Variants in ATXN1L observed in about 807,000 individuals in gnomAD.
The protein encoded by ATXN1L is ataxin-1-like.
ATXN1L carries 8 observed loss-of-function variants against 43.4 expected under a neutral mutation model. The observed-to-expected ratio is 0.18, with a 90% CI of 0.11 to 0.33. The LOEUF is 0.33. Among genes scored for constraint, ATXN1L ranks in the 10% least tolerant of loss-of-function variants. The pLI, the probability that ATXN1L is intolerant of heterozygous loss-of-function variation, is 1.00. For missense variants in ATXN1L, 856 were observed against 885.4 expected (o/e 0.97, Z 0.42); for synonymous variants, 379 against 360.6 (o/e 1.05, Z -0.58).
Position 71,846,115 on chromosome 16 carries a change from C to A in ATXN1L, c.-180+11C>A. The stretch of plus-strand genomic sequence containing the variant: ...CTGTGAAATGGGCTGGTGAGTGTCC[C>A]TGGAAGTGGTGGCCGCCGGGGCCAG... On this transcript the variant is annotated intron_variant, in intron 1 of 2. Coordinates refer to ENST00000427980, the MANE Select transcript of ATXN1L (RefSeq NM_001137675.4). 1 of 189,266 alleles carries A rather than the reference C, an allele frequency of 5.3e-6. No homozygotes were observed. The highest frequency in any genetic ancestry group is 1.1e-5 in the Non-Finnish European group (1 of 88,018). The allele number at this position is 189,266 out of a possible 1,614,324, so 11.7% of individuals were successfully genotyped here. A position where few individuals can be genotyped will look rare whatever the true frequency, so the allele number is the denominator to read the frequency against.
Position 71,850,852 on chromosome 16 carries a change from A to G in ATXN1L, c.1112A>G (p.Asp371Gly). 6.4e-7 allele frequency: 1 copy of G among 1,551,652 alleles called. No homozygotes were observed. The highest frequency in any genetic ancestry group is 1.4e-5 in the African/African-American group (1 of 73,130). Residue 371 changes from aspartate to glycine, a missense_variant, in exon 3 of 3, where the codon GAC (aspartate) becomes GGC (glycine). Physicochemically the swap from Asp to Gly is moderately conservative, Grantham distance 94 (BLOSUM62 -1). Transcript: ENST00000427980. ...CTCAACCTATCCCATCATACCCCCG[A>G]CCATCAGGGTGAGGGGCGAGGGTCA... ...SPLNLSHHTP[D>G]HQGEGRGSAR...
chr16:71,851,309 G>A lies in ATXN1L; in HGVS notation c.1569G>A (p.Met523Ile), dbSNP rs1335210069. 1 of 1,551,686 alleles carries A rather than the reference G, an allele frequency of 6.4e-7. No individual in the cohort carries two copies. Among genetic ancestry groups the A allele is most frequent in the South Asian group, 1.2e-5 (1 of 84,064 alleles). Residue 523 changes from methionine (M) to isoleucine (I), a missense_variant, in exon 3 of 3, where the codon ATG becomes ATA. Around this residue, in one of 7 missense-constraint regions of ATXN1L, gnomAD observed 54 missense variants for 56.6 expected, o/e 0.95. Transcript: ENST00000427980. This position sits in a 1 kb window ranked among gnomAD's most constrained non-coding sequence, Gnocchi z 4.9. Reference sequence around the variant, plus strand: ...AGAGCCAATGGCCTGGATTTGTCATGCTGCATTTTGTGGTTGGTGAGCAGC... The same window carrying A: ...AGAGCCAATGGCCTGGATTTGTCATACTGCATTTTGTGGTTGGTGAGCAGC... ...IQESQWPGFVMLHFVVGEQQS... is the reference protein window; with the variant it reads ...IQESQWPGFVILHFVVGEQQS...
At chr16:71,849,495 T>G in intron 2 of ATXN1L, 129 bp from the exon 3 acceptor site, 1 of 362,586 alleles carries the variant, frequency 2.8e-6, no homozygotes, top group Non-Finnish European at 4.9e-6. Flanking sequence ...TCTGCCCCTT[T>G]CTCTTTCCTC....
At position 71,850,466 on chromosome 16, in the gene ATXN1L, G is replaced by A. The variant is rs140112104; in HGVS notation, c.726G>A (p.Leu242=). The change falls in exon 3 of 3, where the codon TTG becomes TTA. Residue 242 remains leucine (L), a synonymous_variant. Transcript: ENST00000427980. The part of the protein sequence containing the change: ...QMSRLPAGYT[L]HETPPAGASP... ...CCAGGCTACCTGCTGGGTATACTTT[G>A]CATGAAACCCCTCCAGCAGGTGCCA... The A allele has an allele frequency of 7.7e-6, 12 of 1,551,606 alleles. No homozygotes were observed. The Admixed American group carries it at 2.2e-4, about 28-fold the overall frequency.
chr16:71,851,938 A>T lies in ATXN1L; in HGVS notation c.*128A>T. 6.2e-6 allele frequency: 7 copies of T among 1,125,010 alleles called. No individual in the cohort carries two copies. The highest frequency in any genetic ancestry group is 7.1e-6 in the Non-Finnish European group (6 of 843,098). The allele number at this position is 1,125,010 out of a possible 1,614,324, so 69.7% of individuals were successfully genotyped here. A position where few individuals can be genotyped will look rare whatever the true frequency, so the allele number is the denominator to read the frequency against. ...GGCAGTGAGATTTGGGGGAAAGGGG[A>T]GGCATGAAGTCAGCCTCCCAAGGCA... On this transcript the variant is annotated 3_prime_UTR_variant, in exon 3 of 3. Coordinates refer to ENST00000427980, the MANE Select transcript of ATXN1L (RefSeq NM_001137675.4). This position sits in a 1 kb window ranked among gnomAD's most constrained non-coding sequence, Gnocchi z 4.9.
chr16:71,851,365 A>C lies in ATXN1L; in HGVS notation c.1625A>C (p.Glu542Ala). The change falls in exon 3 of 3, where the codon GAG becomes GCG. Residue 542 changes from glutamate (E) to alanine (A), a missense_variant. By Grantham distance (107) the Glu-to-Ala change is moderately radical. This residue lies in a region of ATXN1L where 54 missense variants were observed against 56.6 expected (regional missense o/e 0.95). Coordinates refer to ENST00000427980, the MANE Select transcript of ATXN1L (RefSeq NM_001137675.4). This position sits in a 1 kb window ranked among gnomAD's most constrained non-coding sequence, Gnocchi z 4.9. ...AAAGTGAGCATCGAAGTGCCCCCCG[A>C]GCACCCCTTCTTTGTATATGGCCAG... is the stretch of plus-strand genomic sequence containing the variant. ...QSKVSIEVPPEHPFFVYGQGW... is the reference protein window; with the variant it reads ...QSKVSIEVPPAHPFFVYGQGW... The C allele has an allele frequency of 6.4e-7, 1 of 1,551,584 alleles. No individual in the cohort carries two copies. The highest frequency in any genetic ancestry group is 8.7e-7 in the Non-Finnish European group (1 of 1,146,984).
rs1417214721 is a variant in ATXN1L at position 71,857,309 on chromosome 16, A to G, written c.*5499A>G. The G allele has an allele frequency of 6.4e-6, 1 of 156,994 alleles. No homozygotes were observed. Among genetic ancestry groups the G allele is most frequent in the Non-Finnish European group, 1.5e-5 (1 of 68,078 alleles). 9.7% of individuals were successfully genotyped at this position (156,994 alleles called of 1,614,324 possible). The stretch of plus-strand genomic sequence containing the variant: ...TATCTATATATCTATATATCTATCT[A>G]TATAAACTACTAGCTTTTCCTTTTG... On this transcript the variant is annotated 3_prime_UTR_variant, in exon 3 of 3. Coordinates refer to ENST00000427980, the MANE Select transcript of ATXN1L (RefSeq NM_001137675.4).
Position 71,849,698 on chromosome 16 carries a change from G to A in ATXN1L, c.-43G>A, listed in dbSNP as rs2033477674. On this transcript the variant is annotated 5_prime_UTR_variant, in exon 3 of 3. Transcript: ENST00000427980. ...GAAGCCCCTTCTGATGCCCCAGGGA[G>A]CAAGTCGACTCCTTCCAGGCTCCAG... 1.4e-6 allele frequency: 2 copies of A among 1,459,362 alleles called. No individual in the cohort carries two copies. Among genetic ancestry groups the A allele is most frequent in the East Asian group, 2.5e-5 (1 of 40,068 alleles). The allele number at this position is 1,459,362 out of a possible 1,614,324, so 90.4% of individuals were successfully genotyped here. A position where few individuals can be genotyped will look rare whatever the true frequency, so the allele number is the denominator to read the frequency against.
intron 1 of ATXN1L, among the ~76,000 whole-genome samples, chr16:71,846,801 C>A (rs768865047): frequency 2.0e-4 from 31 of 151,868 alleles, no homozygotes; most frequent in Non-Finnish European, 4.0e-4. Flanking sequence ...TCTTTGTTTT[C>A]CTTTCTGCAG....
rs1478515511 is a variant in ATXN1L, at chr16:71,850,158, A to C, written c.418A>C (p.Ile140Leu). The C allele has an allele frequency of 6.4e-7, 1 of 1,551,716 alleles. No homozygotes were observed. The highest frequency in any genetic ancestry group is 1.2e-5 in the South Asian group (1 of 84,062). Residue 140 changes from isoleucine to leucine, a missense_variant, in exon 3 of 3, where the codon ATT becomes CTT. Ile to Leu is a conservative substitution (Grantham distance 5). This residue lies in a region of ATXN1L where 490 missense variants were observed against 449.4 expected (regional missense o/e 1.09). Coordinates refer to ENST00000427980, the MANE Select transcript of ATXN1L (RefSeq NM_001137675.4). ...AQLPSTSLQF[I>L]GSPYSLPYAV... ...GCTCCCATCCACCTCGCTGCAGTTCATTGGGTCTCCTTATAGCCTTCCCTA... is the reference window on the plus strand; with the variant it reads ...GCTCCCATCCACCTCGCTGCAGTTCCTTGGGTCTCCTTATAGCCTTCCCTA...
chr16:71,851,478 A>C lies in ATXN1L; in HGVS notation c.1738A>C (p.Ile580Leu), dbSNP rs1173076410. Residue 580 changes from isoleucine (I) to leucine (L), a missense_variant, in exon 3 of 3, where the codon ATC (isoleucine) becomes CTC (leucine). Around this residue, in one of 7 missense-constraint regions of ATXN1L, gnomAD observed 185 missense variants for 176.8 expected, o/e 1.05. Coordinates refer to ENST00000427980, the MANE Select transcript of ATXN1L (RefSeq NM_001137675.4). This position sits in a 1 kb window ranked among gnomAD's most constrained non-coding sequence, Gnocchi z 4.9. ...RLQVGDVCIS[I>L]SLQSLNSNSV... ...ACAGGTGGGAGATGTCTGCATCTCT[A>C]TCAGTTTACAGAGCTTGAACAGTAA... The C allele has an allele frequency of 3.9e-6, 6 of 1,551,474 alleles. No homozygotes were observed. Among genetic ancestry groups the C allele is most frequent in the Admixed American group, 2.0e-5 (1 of 50,980 alleles).
At chr16:71,847,863 T>G in intron 1 of ATXN1L, 147 bp from the exon 2 acceptor site, 1 of 234,412 alleles carries the variant, frequency 4.3e-6, no homozygotes, top group Non-Finnish European at 9.0e-6. Flanking sequence ...GCCTGGGCAC[T>G]CTGGGTAAAT....
At chr16:71,847,970 T>A (rs1344522178) in intron 1 of ATXN1L, 40 bp from the exon 2 acceptor site, 1 of 453,682 alleles carries the variant, frequency 2.2e-6, no homozygotes, top group African/African-American at 2.0e-5. Context: ...GAATTAGAGG[T>A]CAGGCAGCCG....
chr16:71,854,774 G>A lies in ATXN1L; in HGVS notation c.*2964G>A, dbSNP rs1428285092. ...ATTTCCAGCTCTTAGGAATAGAAAG[G>A]AGGACTGCTGACTGTCTGGCGCTGT... On this transcript the variant is annotated 3_prime_UTR_variant, in exon 3 of 3. Coordinates refer to ENST00000427980, the MANE Select transcript of ATXN1L (RefSeq NM_001137675.4). The A allele has an allele frequency of 6.0e-6, 1 of 167,010 alleles. No homozygotes were observed. Among genetic ancestry groups the A allele is most frequent in the Non-Finnish European group, 1.5e-5 (1 of 68,106 alleles). 10.3% of individuals were successfully genotyped at this position (167,010 alleles called of 1,614,324 possible).
chr16:71,856,916 T>A lies in ATXN1L; in HGVS notation c.*5106T>A, dbSNP rs1439086513. 1 of 166,962 alleles carries A rather than the reference T, an allele frequency of 6.0e-6. No individual in the cohort carries two copies. The highest frequency in any genetic ancestry group is 2.4e-5 in the African/African-American group (1 of 41,396). The allele number at this position is 166,962 out of a possible 1,614,324, so 10.3% of individuals were successfully genotyped here. On this transcript the variant is annotated 3_prime_UTR_variant, in exon 3 of 3. Coordinates refer to ENST00000427980, the MANE Select transcript of ATXN1L (RefSeq NM_001137675.4). Reference sequence around the variant, plus strand: ...GAGTTCCCTGTAGATAAATTACTGATCCCCCATCTACTATCCCCAGTATGT... The same window carrying A: ...GAGTTCCCTGTAGATAAATTACTGAACCCCCATCTACTATCCCCAGTATGT...
rs1003140007 is a variant in ATXN1L, at chr16:71,856,876, G to C, written c.*5066G>C. 6.0e-6 allele frequency: 1 copy of C among 167,052 alleles called. No homozygotes were observed. The highest frequency in any genetic ancestry group is 2.4e-5 in the African/African-American group (1 of 41,426). 10.3% of individuals were successfully genotyped at this position (167,052 alleles called of 1,614,324 possible). A position where few individuals can be genotyped will look rare whatever the true frequency, so the allele number is the denominator to read the frequency against. ...AGAAGGATGGCACTGGGGAGGTCTG[G>C]ATGGATCTGTGTAGGAGTTCCCTGT... On this transcript the variant is annotated 3_prime_UTR_variant, in exon 3 of 3. Transcript: ENST00000427980.
At chr16:71,849,141 G>C (rs1387264577) in intron 2 of ATXN1L, among the ~76,000 whole-genome samples, 1 of 150,690 alleles carries the variant, frequency 6.6e-6, no homozygotes, top group African/African-American at 2.5e-5. Context: ...TTGAACCCGG[G>C]AGGCGAGGTT....
chr16:71,846,317 T>G (rs1007633551), intron 1 of ATXN1L, among the ~76,000 whole-genome samples: 8 of 152,144 alleles, frequency 5.3e-5, no homozygotes, highest in Admixed American at 5.2e-4. Flanking sequence ...GGAGGCTGTG[T>G]GCCTGCGAGC....
Position 71,850,937 on chromosome 16 carries a change from C to T in ATXN1L, c.1197C>T (p.Ser399=), listed in dbSNP as rs769139829. 1.3e-5 allele frequency: 20 copies of T among 1,551,640 alleles called. No homozygotes were observed. The highest frequency in any genetic ancestry group is 1.7e-5 in the Non-Finnish European group (20 of 1,146,972). Residue 399 remains serine, a synonymous_variant, in exon 3 of 3, where the codon TCC becomes TCT. Transcript: ENST00000427980. ...AGGCCCGTGGGTTCTACCCTCAGTC[C>T]CATCAGGAACCAGTAAAACATAGAC... The part of the protein sequence containing the change: ...KSQARGFYPQ[S]HQEPVKHRPL...
Sources: allele counts gnomAD v4.1 joint callset (sites outside exome capture counted in the v4.1 genomes callset), GRCh38; gene constraint gnomAD v4.1.1; regional missense constraint gnomAD v4.1.1; non-coding constraint Gnocchi (gnomAD v3.1); transcripts MANE v1.5; gene names NCBI Gene and HGNC (gene_info 2026-07-23, HGNC 2026-07-21).